MTCL1: variants seen among roughly 807,000 people sequenced by gnomAD.
MTCL1 encodes the protein microtubule crosslinking factor 1.
A neutral mutation model predicts 141.4 loss-of-function variants in MTCL1; 79 were observed. The ratio of observed to expected loss-of-function variants is 0.56; its 90% confidence interval spans 0.47 to 0.67. The LOEUF (loss-of-function observed/expected upper bound fraction) is 0.67. Ranked by LOEUF, MTCL1 falls within the 30% of genes least tolerant of loss-of-function variation. MTCL1 has a pLI of 0.00. For synonymous variants in MTCL1, 914 were observed against 875.8 expected (o/e 1.04, Z -0.77); for missense variants, 2,177 against 2,113.9 (o/e 1.03, Z -0.59).
chr18:8,733,755 G>T (rs2096262983), intron 4 of MTCL1, among the ~76,000 whole-genome samples: 1 of 152,172 alleles, frequency 6.6e-6, no homozygotes, highest in Non-Finnish European at 1.5e-5. Context: ...CACTGAGGAG[G>T]CTACAGGAGC....
chr18:8,822,420 T>A lies in MTCL1; in HGVS notation c.3188+922T>A, dbSNP rs2076875878. On this transcript the variant is annotated intron_variant, in intron 14 of 16. Coordinates refer to ENST00000359865, the Ensembl canonical transcript of MTCL1. The surrounding 1 kb of genome is among the most constrained non-coding windows in gnomAD (Gnocchi z 4.6). ...AGCAATTCTGCATCAGCCTCCCAAG[T>A]AGCTGGGATTACAGGCAAACCCCAC... Among the ~76,000 whole-genome samples, 1 of 152,224 alleles carries A rather than the reference T, an allele frequency of 6.6e-6. No individual in the cohort carries two copies. The highest frequency in any genetic ancestry group is 2.4e-5 in the African/African-American group (1 of 41,464).
At chr18:8,767,131 A>G (rs957988652) in intron 4 of MTCL1, among the ~76,000 whole-genome samples, 3 of 152,182 alleles carry the variant, frequency 2.0e-5, no homozygotes, top group Admixed American at 6.5e-5. Context: ...CTTAAGAATC[A>G]TGAGATCATG....
Position 8,798,311 on chromosome 18 carries a change from C to G in MTCL1, c.2436+20C>G. On this transcript the variant is annotated intron_variant, in intron 10 of 16. Transcript: ENST00000359865. ...AAACAGGTGGGTACCTCGACCCGAG[C>G]CTGTCGCCCTGCCCACACCAGGGAG... is the stretch of plus-strand genomic sequence containing the variant. 6.7e-7 allele frequency: 1 copy of G among 1,482,630 alleles called. No individual in the cohort carries two copies. The highest frequency in any genetic ancestry group is 9.0e-7 in the Non-Finnish European group (1 of 1,117,274). The allele number at this position is 1,482,630 out of a possible 1,614,324, so 91.8% of individuals were successfully genotyped here.
chr18:8,706,745 G>T (rs1017074405), intron 1 of MTCL1, 32 bp downstream of exon 1: 1 of 1,541,794 alleles, frequency 6.5e-7, no homozygotes, highest in Non-Finnish European at 8.7e-7. Context: ...GGTGTCCCGG[G>T]GCGCCCCCGG....
At chr18:8,776,852 C>CCTGG (rs1419277696) in intron 4 of MTCL1, among the ~76,000 whole-genome samples, 2 of 152,078 alleles carry the variant, frequency 1.3e-5, no homozygotes, top group African/African-American at 4.8e-5. Context: ...GCCTCGAACT[C>CCTGG]CTGGACTCAA....
chr18:8,726,286 C>CTTT (rs77665680), intron 4 of MTCL1, among the ~76,000 whole-genome samples: 3 of 102,248 alleles, frequency 2.9e-5, no homozygotes, highest in African/African-American at 3.8e-5. Context: ...TTCTTTTTTT[C>CTTT]TTTTTTTTTT....
At chr18:8,754,904 C>T (rs968981880) in intron 4 of MTCL1, among the ~76,000 whole-genome samples, 6 of 152,182 alleles carry the variant, frequency 3.9e-5, no homozygotes, top group Non-Finnish European at 7.3e-5. Context: ...GAGTCTCCAG[C>T]TCTGCCCTGA....
chr18:8,802,743 G>A (rs1288895868), intron 10 of MTCL1, among the ~76,000 whole-genome samples: 1 of 152,198 alleles, frequency 6.6e-6, no homozygotes, highest in Non-Finnish European at 1.5e-5. Context: ...CTTAGGTGGA[G>A]GAGAGGGAAA....
intron 10 of MTCL1, among the ~76,000 whole-genome samples, chr18:8,805,573 G>A (rs187375846): frequency 6.6e-6 from 1 of 152,302 alleles, no homozygotes; most frequent in African/African-American, 2.4e-5. Context: ...AAGCATGACT[G>A]TGGAGTGAAG....
At chr18:8,789,502 C>T in intron 7 of MTCL1, 6 of 985,404 alleles carry the variant, frequency 6.1e-6, no homozygotes, top group Non-Finnish European at 7.2e-6. Context: ...AAGCCACTTT[C>T]TCTGGAGGTA....
chr18:8,776,885 C>T (rs2096512375), intron 4 of MTCL1, among the ~76,000 whole-genome samples: 1 of 152,102 alleles, frequency 6.6e-6, no homozygotes, highest in African/African-American at 2.4e-5. Flanking sequence ...CCTCAGTCGC[C>T]CTAGTAGCTG....
chr18:8,726,494 A>T (rs567897128), intron 4 of MTCL1, among the ~76,000 whole-genome samples: 1 of 128,346 alleles, frequency 7.8e-6, no homozygotes, highest in Non-Finnish European at 1.8e-5. Flanking sequence ...AGAGAGAGAG[A>T]GCGCGCGCGC....
intron 4 of MTCL1, among the ~76,000 whole-genome samples, chr18:8,737,856 G>T (rs997409703): frequency 1.3e-5 from 2 of 152,128 alleles, no homozygotes; most frequent in African/African-American, 4.8e-5. Flanking sequence ...CCAGTTGGCC[G>T]GTGGGCTGGC....
intron 4 of MTCL1, among the ~76,000 whole-genome samples, chr18:8,725,787 T>C (rs2096204991): frequency 2.6e-5 from 1 of 38,420 alleles, no homozygotes; most frequent in Non-Finnish European, 4.2e-5. Context: ...TTTTTTTTTT[T>C]TTCTTTTTTT....
intron 4 of MTCL1, among the ~76,000 whole-genome samples, chr18:8,769,063 G>C (rs939365238): frequency 5.3e-5 from 8 of 152,148 alleles, no homozygotes; most frequent in Admixed American, 5.2e-4. Context: ...CCAAAGTGCG[G>C]GGAATACAGG....
exon 4 of MTCL1, chr18:8,720,419 G>A (rs1175290331): frequency 3.7e-6 from 6 of 1,614,072 alleles, no homozygotes; most frequent in East Asian, 2.2e-5. Context: ...GGATGAAAAC[G>A]AAACTCTCCG....
At chr18:8,748,580 GCA>G (rs567104804) in intron 4 of MTCL1, among the ~76,000 whole-genome samples, 2 of 150,928 alleles carry the variant, frequency 1.3e-5, no homozygotes, top group Non-Finnish European at 3.0e-5. Flanking sequence ...ATATATATAT[GCA>G]CACACACACA....
rs776468212 is a variant in MTCL1 at position 8,828,479 on chromosome 18, AG to A, written c.4723-428del. On this transcript the variant is annotated intron_variant, in intron 15 of 16. Coordinates refer to ENST00000359865, the Ensembl canonical transcript of MTCL1. This position sits in a 1 kb window ranked among gnomAD's most constrained non-coding sequence, Gnocchi z 5.2. ...AGGGGAACTTTTTAGAGTAAGTGGC[AG>A]TAGCTTGGCTGTTGTGACCGAAACA... Among the ~76,000 whole-genome samples, 9 of 152,244 alleles carry A rather than the reference AG, an allele frequency of 5.9e-5. No homozygotes were observed. The highest frequency in any genetic ancestry group is 1.3e-4 in the Non-Finnish European group (9 of 68,044).
chr18:8,796,505 C>G, intron 9 of MTCL1, 43 bp downstream of exon 8: 2 of 1,593,816 alleles, frequency 1.3e-6, no homozygotes, highest in Non-Finnish European at 1.7e-6. Flanking sequence ...TCTGTTTTGT[C>G]CTTGACCCCA....
Sources: allele counts gnomAD v4.1 joint callset (sites outside exome capture counted in the v4.1 genomes callset), GRCh38; gene constraint gnomAD v4.1.1; non-coding constraint Gnocchi (gnomAD v3.1); transcripts MANE v1.5; gene names NCBI Gene and HGNC (gene_info 2026-07-23, HGNC 2026-07-21).